Variants in PLCH1 observed in about 807,000 individuals in gnomAD.
The protein encoded by PLCH1 is phospholipase C eta 1.
In PLCH1, 60 loss-of-function variants were observed where a neutral mutation model predicts 126.7. The observed-to-expected ratio is 0.47, with a 90% CI of 0.38 to 0.59. The LOEUF (loss-of-function observed/expected upper bound fraction) is 0.59, where lower values mean the gene tolerates loss of function less well. Among genes scored for constraint, PLCH1 ranks in the 20% least tolerant of loss-of-function variants. The probability of loss-of-function intolerance (pLI) is 0.00; values close to 1 mark genes in which losing one functional copy is unlikely to be tolerated. For missense variants in PLCH1, 1,723 were observed against 2,040.0 expected (o/e 0.84, Z 2.99); for synonymous variants, 719 against 734.9 (o/e 0.98, Z 0.35).
At chr3:155,551,437 T>A (rs57648282) in intron 9 of PLCH1, among the ~76,000 whole-genome samples, 2,151 of 97,788 alleles carry the variant, frequency 0.022, 35 homozygotes, top group African/African-American at 0.068. Flanking sequence ...AGAGCAAGGC[T>A]GCCTCAGAAA....
At chr3:155,734,431 G>C (rs1749004401) in intron 1 of PLCH1, among the ~76,000 whole-genome samples, 1 of 152,148 alleles carries the variant, frequency 6.6e-6, no homozygotes. Flanking sequence ...TTGTACTCCA[G>C]ACTGGGCAAC....
intron 10 of PLCH1, among the ~76,000 whole-genome samples, chr3:155,546,301 G>A (rs1451037883): frequency 6.6e-6 from 1 of 152,060 alleles, no homozygotes; most frequent in African/African-American, 2.4e-5. Context: ...GCTTCAAAGA[G>A]AATAAAATAC....
chr3:155,580,784 C>T (rs996203611), intron 6 of PLCH1, among the ~76,000 whole-genome samples: 2 of 151,822 alleles, frequency 1.3e-5, no homozygotes, highest in African/African-American at 4.8e-5. Flanking sequence ...TTTATTCTAC[C>T]TCAAAAAGGA....
chr3:155,456,238 G>T (rs1329146466), intron 21 of PLCH1, among the ~76,000 whole-genome samples: 1 of 151,540 alleles, frequency 6.6e-6, no homozygotes. Flanking sequence ...TTAAATAGGG[G>T]TGTCCAATCT....
At chr3:155,590,322 T>TA (rs978903992) in intron 4 of PLCH1, among the ~76,000 whole-genome samples, 14 of 152,192 alleles carry the variant, frequency 9.2e-5, no homozygotes, top group African/African-American at 3.4e-4. Context: ...CTCACGCCTG[T>TA]AATCCCAGCA....
intron 2 of PLCH1, among the ~76,000 whole-genome samples, chr3:155,635,702 G>A (rs1374202160): frequency 6.6e-6 from 1 of 152,208 alleles, no homozygotes; most frequent in East Asian, 1.9e-4. Flanking sequence ...GCCACCTGAT[G>A]AAAAGCCATG....
intron 2 of PLCH1, among the ~76,000 whole-genome samples, chr3:155,610,682 C>T (rs1473536849): frequency 6.6e-6 from 1 of 152,082 alleles, no homozygotes; most frequent in Non-Finnish European, 1.5e-5. Context: ...ACCACTACCA[C>T]ACCAGCACTA....
intron 2 of PLCH1, among the ~76,000 whole-genome samples, chr3:155,600,075 T>C: frequency 6.6e-6 from 1 of 152,150 alleles, no homozygotes; most frequent in East Asian, 1.9e-4. Flanking sequence ...TGGATAGAGG[T>C]AAATTGAAAA....
intron 1 of PLCH1, among the ~76,000 whole-genome samples, chr3:155,719,378 AG>A (rs1381225289): frequency 2.6e-5 from 4 of 151,354 alleles, no homozygotes; most frequent in Admixed American, 2.0e-4. Flanking sequence ...GGGTTGGGGG[AG>A]GGGGAAGGGA....
intron 11 of PLCH1, among the ~76,000 whole-genome samples, chr3:155,522,230 TAA>T (rs10706469): frequency 4.7e-5 from 7 of 149,850 alleles, no homozygotes; most frequent in African/African-American, 1.5e-4. Context: ...AAAGTAATGC[TAA>T]AAAAAAAGCT....
chr3:155,553,865 G>A (rs112905015), intron 9 of PLCH1, among the ~76,000 whole-genome samples: 35 of 152,270 alleles, frequency 2.3e-4, no homozygotes, highest in African/African-American at 7.2e-4. Context: ...AGAAAGAATG[G>A]GACAAGGAAT....
In PLCH1 at chr3:155,674,417, T is replaced by C. The variant is rs143993557; in HGVS notation, c.79+29729A>G. Reference sequence around the variant, plus strand: ...GTTTAACAATGCAACTCAGATTTCATGATATTTCAGAATCTATCAATTTCA... The same window carrying C: ...GTTTAACAATGCAACTCAGATTTCACGATATTTCAGAATCTATCAATTTCA... On this transcript the variant is annotated intron_variant, in intron 2 of 22. Transcript: ENST00000460012. Among the ~76,000 whole-genome samples the C allele has an allele frequency of 1.5e-3, 225 of 152,326 alleles. 1 individual carries two copies. The highest frequency in any genetic ancestry group is 5.2e-3 in the African/African-American group (217 of 41,586).
intron 2 of PLCH1, among the ~76,000 whole-genome samples, chr3:155,601,824 T>A (rs1733772858): frequency 6.6e-6 from 1 of 152,158 alleles, no homozygotes; most frequent in African/African-American, 2.4e-5. Flanking sequence ...ATTTCCATTA[T>A]CCCTCATGCC....
intron 2 of PLCH1, among the ~76,000 whole-genome samples, chr3:155,671,389 G>C (rs1743432841): frequency 6.6e-6 from 1 of 152,158 alleles, no homozygotes; most frequent in Admixed American, 6.5e-5. Context: ...TTCTGAAGCA[G>C]TAACCCTAAT....
intron 2 of PLCH1, among the ~76,000 whole-genome samples, chr3:155,657,504 A>T (rs1048473877): frequency 7.2e-5 from 11 of 152,188 alleles, no homozygotes; most frequent in African/African-American, 2.7e-4. Flanking sequence ...ATTAGTGCAT[A>T]TATGTGAGAA....
chr3:155,666,727 T>C (rs1378281949), intron 2 of PLCH1, among the ~76,000 whole-genome samples: 3 of 152,252 alleles, frequency 2.0e-5, no homozygotes, highest in Non-Finnish European at 2.9e-5. Flanking sequence ...ATTGCTTCTT[T>C]GGTGTTTTTC....
chr3:155,452,695 A>G lies in PLCH1; in HGVS notation c.2938+32661T>C, dbSNP rs1712339638. On this transcript the variant is annotated intron_variant, in intron 21 of 21. Coordinates refer to the PLCH1 transcript ENST00000494598. ...TACTTTTGAACATTTTGGGGAGTCT[A>G]ATAAATGTAATGACATTAGATGGTT... Among the ~76,000 whole-genome samples, 3 of 152,266 alleles carry G rather than the reference A, an allele frequency of 2.0e-5. No individual in the cohort carries two copies. In the South Asian group the frequency reaches 6.2e-4, roughly 32 times the overall value.
chr3:155,676,425 A>T (rs1559926740), intron 2 of PLCH1: 1 of 992,738 alleles, frequency 1.0e-6, no homozygotes, highest in African/African-American at 1.7e-5. Context: ...ATGCACATTT[A>T]ATGTCTGGGA....
At chr3:155,540,266 A>C (rs993025615) in intron 10 of PLCH1, among the ~76,000 whole-genome samples, 1 of 152,206 alleles carries the variant, frequency 6.6e-6, no homozygotes, top group African/African-American at 2.4e-5. Context: ...CTTAAATATA[A>C]CACCTGAAAC....
Sources: gnomAD v4.1 joint callset for allele counts (sites outside exome capture counted in the v4.1 genomes callset) on GRCh38, gnomAD v4.1.1 for gene constraint, MANE v1.5 for transcripts, NCBI Gene and HGNC (gene_info 2026-07-23, HGNC 2026-07-21) for gene names.